Variants in OVCH2 observed in about 807,000 individuals in gnomAD.
The protein encoded by OVCH2 is ovochymase 2.
In OVCH2, 88 loss-of-function variants were observed where a neutral mutation model predicts 73.7. The observed-to-expected ratio is 1.19, with a 90% CI of 1.01 to 1.43. The LOEUF is 1.43. OVCH2 is among the 40% of genes most tolerant of loss of function. The pLI, the probability that OVCH2 is intolerant of heterozygous loss-of-function variation, is 0.00. For synonymous variants in OVCH2, 265 were observed against 234.5 expected (o/e 1.13, Z -1.19); for missense variants, 706 against 674.5 (o/e 1.05, Z -0.52).
chr11:7,686,921 G>C (rs1489693527), downstream of OVCH2, among the ~76,000 whole-genome samples: 3 of 152,166 alleles, frequency 2.0e-5, no homozygotes, highest in Non-Finnish European at 2.9e-5. Context: ...AGAGCAGAAA[G>C]ATGGCAGCTG....
downstream of OVCH2, among the ~76,000 whole-genome samples, chr11:7,686,912 G>A (rs886741296): frequency 6.6e-6 from 1 of 152,184 alleles, no homozygotes; most frequent in African/African-American, 2.4e-5. Flanking sequence ...GTCCTGTGGA[G>A]AGCAGAAAGA....
At chr11:7,704,751 G>A in intron 1 of OVCH2, 77 bp from the exon 2 acceptor site, 1 of 952,048 alleles carries the variant, frequency 1.1e-6, no homozygotes, top group Non-Finnish European at 1.6e-6. Context: ...TTTCACCCAT[G>A]AAACTGAGTC....
rs868809219 is a variant in OVCH2, at chr11:7,691,995, G to A, written c.1414C>T (p.Leu472Phe). The change falls in exon 13 of 16, where the codon CTT becomes TTT. Residue 472 changes from leucine (L) to phenylalanine (F), a missense_variant and splice_region_variant. Coordinates refer to ENST00000533663, the MANE Select transcript of OVCH2 (RefSeq NM_198185.7). ...FQASKHHLIK[L>F]SFQSLEIEES... The stretch of plus-strand genomic sequence containing the variant: ...TCTATTTCCAGACTCTGAAATGAAA[G>A]CTGAGAAGACACGAAGTTACATCCA... 6.4e-7 allele frequency: 1 copy of A among 1,560,692 alleles called. No homozygotes were observed. The highest frequency in any genetic ancestry group is 1.2e-5 in the South Asian group (1 of 84,856).
chr11:7,704,656 C>A lies in OVCH2; in HGVS notation c.107G>T (p.Ser36Ile), dbSNP rs1235898383. The A allele has an allele frequency of 1.2e-6, 2 of 1,611,946 alleles. No individual in the cohort carries two copies. The highest frequency in any genetic ancestry group is 1.3e-5 in the African/African-American group (1 of 74,838). Residue 36 changes from serine to isoleucine, a missense_variant, in exon 2 of 16, where the codon AGT becomes ATT. Ser to Ile is a moderately radical substitution (Grantham distance 142). Transcript: ENST00000533663. Reference sequence around the variant, plus strand: ...ATTCCAAGGCTGTACCTTAACCAGACTCTGCCCACAACTGGGAGCTGAGAA... The same window carrying A: ...ATTCCAAGGCTGTACCTTAACCAGAATCTGCCCACAACTGGGAGCTGAGAA... Reference protein sequence around the residue: ...SLPKAPSCGQSLVKVQPWNYF... With the variant: ...SLPKAPSCGQILVKVQPWNYF...
chr11:7,697,141 ATCC>A (rs936000237), intron 8 of OVCH2, among the ~76,000 whole-genome samples: 4 of 152,014 alleles, frequency 2.6e-5, no homozygotes, highest in Non-Finnish European at 5.9e-5. Context: ...GGCTCAGGCA[ATCC>A]TCCTGCTTCA....
intron 1 of OVCH2, among the ~76,000 whole-genome samples, chr11:7,705,826 C>T (rs1856519924): frequency 6.6e-6 from 1 of 152,170 alleles, no homozygotes; most frequent in African/African-American, 2.4e-5. Flanking sequence ...TGGCACAAGT[C>T]TGACCAAGGA....
chr11:7,701,678 T>C, intron 5 of OVCH2, 38 bp downstream of exon 5: 1 of 1,580,856 alleles, frequency 6.3e-7, no homozygotes, highest in Middle Eastern at 1.7e-4. Context: ...CAGAAAGTTC[T>C]GACCTCTGCT....
At chr11:7,704,421 C>T (rs1391885541) in intron 2 of OVCH2, 144 bp downstream of exon 2, 1 of 576,948 alleles carries the variant, frequency 1.7e-6, no homozygotes, top group African/African-American at 1.9e-5. Flanking sequence ...TTTCTTATGA[C>T]ATTCATCACA....
intron 8 of OVCH2, among the ~76,000 whole-genome samples, chr11:7,698,491 C>A (rs115225849): frequency 0.016 from 2,472 of 152,292 alleles, 75 homozygotes; most frequent in African/African-American, 0.056. Context: ...GCCTTGCCCT[C>A]TTTCCTTGAG....
intron 8 of OVCH2, among the ~76,000 whole-genome samples, chr11:7,697,191 C>T (rs1040234430): frequency 3.3e-5 from 5 of 152,134 alleles, no homozygotes; most frequent in African/African-American, 1.2e-4. Flanking sequence ...CTCACACTGC[C>T]ACACCCGGCT....
At chr11:7,692,762 G>A (rs1856245662) in intron 12 of OVCH2, among the ~76,000 whole-genome samples, 1 of 152,176 alleles carries the variant, frequency 6.6e-6, no homozygotes, top group Non-Finnish European at 1.5e-5. Flanking sequence ...AAGCTATGAT[G>A]AGTAATGACC....
At chr11:7,702,678 A>G (rs944367314) in intron 3 of OVCH2, among the ~76,000 whole-genome samples, 20 of 152,212 alleles carry the variant, frequency 1.3e-4, no homozygotes, top group Non-Finnish European at 1.5e-4. Context: ...ACCTGACCTA[A>G]TATCAGTGAG....
At chr11:7,696,418 G>C (rs1362892341) in intron 10 of OVCH2, 47 bp downstream of exon 10, 1 of 1,610,898 alleles carries the variant, frequency 6.2e-7, no homozygotes, top group Admixed American at 1.7e-5. Context: ...GCCTCATTAA[G>C]CCCACTTGGC....
chr11:7,687,766 A>G (rs1365168046), downstream of OVCH2, among the ~76,000 whole-genome samples: 1 of 152,088 alleles, frequency 6.6e-6, no homozygotes, highest in African/African-American at 2.4e-5. Flanking sequence ...TTTAAACAAG[A>G]AATTTATTTC....
At chr11:7,683,444 C>T in the OVCH2 span, among the ~76,000 whole-genome samples, 1 of 152,160 alleles carries the variant, frequency 6.6e-6, no homozygotes, top group Non-Finnish European at 1.5e-5. Flanking sequence ...CTTACCACTT[C>T]CACTGCTAGC....
chr11:7,681,973 G>A, the OVCH2 span, among the ~76,000 whole-genome samples: 1 of 151,986 alleles, frequency 6.6e-6, no homozygotes. Flanking sequence ...CTTTTATGGG[G>A]GCAAAAACAG....
chr11:7,704,690 G>A lies in OVCH2; in HGVS notation c.89-16C>T. 1 of 1,542,722 alleles carries A rather than the reference G, an allele frequency of 6.5e-7. No homozygotes were observed. The highest frequency in any genetic ancestry group is 8.9e-7 in the Non-Finnish European group (1 of 1,120,434). ...CAACTGGGAGCTGAGAAAAAAACGA[G>A]ACAAACTAAATGATTAGATAGCTTC... On this transcript the variant is annotated splice_polypyrimidine_tract_variant and intron_variant, in intron 1 of 15. Transcript: ENST00000533663.
Position 7,700,416 on chromosome 11 carries a change from A to T in OVCH2, c.781T>A (p.Trp261Arg), listed in dbSNP as rs1856414595. 1 of 1,612,928 alleles carries T rather than the reference A, an allele frequency of 6.2e-7. No individual in the cohort carries two copies. Among genetic ancestry groups the T allele is most frequent in the Admixed American group, 1.7e-5 (1 of 59,836 alleles). The change falls in exon 7 of 16, where the codon TGG (tryptophan) becomes AGG (arginine). Residue 261 changes from tryptophan (W) to arginine (R), a missense_variant. Trp to Arg is a moderately radical substitution (Grantham distance 101, BLOSUM62 -3). Coordinates refer to ENST00000533663, the MANE Select transcript of OVCH2 (RefSeq NM_198185.7). ...GAWTLAGVTS[W>R]GLGCGRGWRN... Reference sequence around the variant, plus strand: ...CAGCCTCGACCACAGCCCAAACCCCAGGAAGTCACACCAGCCAGAGTCCAG... The same window carrying T: ...CAGCCTCGACCACAGCCCAAACCCCTGGAAGTCACACCAGCCAGAGTCCAG...
chr11:7,701,575 T>A, intron 5 of OVCH2, 100 bp from the exon 6 acceptor site: 1 of 1,493,912 alleles, frequency 6.7e-7, no homozygotes, highest in Non-Finnish European at 9.0e-7. Context: ...AGACTTGAAT[T>A]TCTAAGTACA....
Sources: gnomAD v4.1 joint callset for allele counts (sites outside exome capture counted in the v4.1 genomes callset) on GRCh38, gnomAD v4.1.1 for gene constraint, MANE v1.5 for transcripts, NCBI Gene and HGNC (gene_info 2026-07-23, HGNC 2026-07-21) for gene names.